Variants in TMEM178B observed in about 807,000 individuals in gnomAD.
TMEM178B encodes transmembrane protein 178B.
Under a neutral mutation model 31.0 loss-of-function variants are expected in TMEM178B, and 5 were observed. That is an observed-to-expected ratio of 0.16 (90% confidence interval 0.08 to 0.34). The LOEUF (loss-of-function observed/expected upper bound fraction) is 0.34, where lower values mean the gene tolerates loss of function less well. Among genes scored for constraint, TMEM178B ranks in the 10% least tolerant of loss-of-function variants. The probability of loss-of-function intolerance (pLI) is 1.00; values close to 1 mark genes in which losing one functional copy is unlikely to be tolerated. For missense variants in TMEM178B, 275 were observed against 400.3 expected (o/e 0.69, Z 2.67); for synonymous variants, 164 against 164.0 (o/e 1.00, Z 0.00).
rs1487166412 is a variant in TMEM178B at position 141,470,831 on chromosome 7, T to A, written c.*45T>A. 3.1e-6 allele frequency: 3 copies of A among 965,032 alleles called. No homozygotes were observed. Among genetic ancestry groups the A allele is most frequent in the Non-Finnish European group, 3.9e-6 (3 of 778,374 alleles). The allele number at this position is 965,032 out of a possible 1,614,324, so 59.8% of individuals were successfully genotyped here. ...ATATATATATATAAATATATATATA[T>A]AATATACATATATAAAACAAAACAA... On this transcript the variant is annotated 3_prime_UTR_variant, in exon 4 of 4. Coordinates refer to ENST00000565468, the MANE Select transcript of TMEM178B (RefSeq NM_001195278.2).
intron 2 of TMEM178B, among the ~76,000 whole-genome samples, chr7:141,256,828 G>A (rs4726436): frequency 0.43 from 65,952 of 151,958 alleles, 14,542 homozygotes; most frequent in East Asian, 0.67. Context: ...TGTTGCTGAC[G>A]TGATTGGATG....
chr7:141,398,361 T>C lies in TMEM178B; in HGVS notation c.497-39247T>C, dbSNP rs572392871. On this transcript the variant is annotated intron_variant, in intron 2 of 3. Transcript: ENST00000565468. The stretch of plus-strand genomic sequence containing the variant: ...ATTGAGGATGGAGGGATCCTCTGTT[T>C]TGCTGTGCTGCTTGGGTAGCAGCTG... Among the ~76,000 whole-genome samples, 11 of 152,258 alleles carry C rather than the reference T, an allele frequency of 7.2e-5. No homozygotes were observed. In the South Asian group the frequency reaches 8.3e-4, roughly 11 times the overall value.
At chr7:141,470,378 C>T (rs17162275) in intron 3 of TMEM178B, among the ~76,000 whole-genome samples, 158 bp from the exon 4 acceptor site, 3,018 of 152,262 alleles carry the variant, frequency 0.02, 107 homozygotes, top group African/African-American at 0.064. Flanking sequence ...TTTCCAGATA[C>T]TGACCTTGGT....
chr7:141,339,344 G>A (rs1744795854), intron 2 of TMEM178B, among the ~76,000 whole-genome samples: 1 of 152,212 alleles, frequency 6.6e-6, no homozygotes, highest in African/African-American at 2.4e-5. Flanking sequence ...AATGGGCAGT[G>A]TGCTGCAGCA....
intron 2 of TMEM178B, among the ~76,000 whole-genome samples, chr7:141,385,609 A>T (rs533256451): frequency 1.3e-5 from 2 of 152,272 alleles, no homozygotes; most frequent in South Asian, 4.2e-4. Context: ...GTTTCCCATC[A>T]TCCTTTTTGT....
At chr7:141,428,373 AAAAAAAAAAAAG>A (rs944038973) in intron 2 of TMEM178B, among the ~76,000 whole-genome samples, 3 of 140,916 alleles carry the variant, frequency 2.1e-5, no homozygotes, top group Non-Finnish European at 3.1e-5. Context: ...CACCTCAAAA[AAAAAAAAAAAAG>A]AAAAAAAGAA....
intron 1 of TMEM178B, among the ~76,000 whole-genome samples, chr7:141,109,488 C>T (rs1795200510): frequency 6.6e-6 from 1 of 152,094 alleles, no homozygotes; most frequent in African/African-American, 2.4e-5. Context: ...ATCTCCTGCT[C>T]TCACTTTTCA....
At chr7:141,083,952 A>G (rs1479324475) in intron 1 of TMEM178B, among the ~76,000 whole-genome samples, 1 of 151,724 alleles carries the variant, frequency 6.6e-6, no homozygotes, top group Admixed American at 6.6e-5. Context: ...TTACAGGCAC[A>G]TGCCGCCATG....
intron 2 of TMEM178B, among the ~76,000 whole-genome samples, chr7:141,423,023 G>A (rs1003931423): frequency 2.6e-5 from 4 of 152,062 alleles, no homozygotes; most frequent in African/African-American, 9.7e-5. Flanking sequence ...AAAGAAACAG[G>A]TAAAATTAAT....
chr7:141,390,207 C>A (rs1473660341), intron 2 of TMEM178B, among the ~76,000 whole-genome samples: 1 of 152,162 alleles, frequency 6.6e-6, no homozygotes, highest in Non-Finnish European at 1.5e-5. Flanking sequence ...GTAGATCATA[C>A]CTCTCTCTGC....
chr7:141,393,653 A>G (rs1438217347), intron 2 of TMEM178B, among the ~76,000 whole-genome samples: 2 of 152,258 alleles, frequency 1.3e-5, no homozygotes, highest in Non-Finnish European at 2.9e-5. Flanking sequence ...AAGAGAGACG[A>G]CATTGTTAGA....
intron 1 of TMEM178B, among the ~76,000 whole-genome samples, chr7:141,089,623 A>G (rs141101276): frequency 0.011 from 1,705 of 152,338 alleles, 45 homozygotes; most frequent in African/African-American, 0.039. Context: ...ATGTCCATCA[A>G]TGATAGACTG....
Position 141,274,278 on chromosome 7 carries a change from T to C in TMEM178B, c.496+61574T>C, listed in dbSNP as rs537265475. Among the ~76,000 whole-genome samples the C allele has an allele frequency of 4.0e-4, 61 of 152,356 alleles. 2 individuals carry two copies. The South Asian group carries it at 0.012, about 29-fold the overall frequency. ...AAAATCTTTGTTTTATTCAGTCTTA[T>C]GCCAGGCACATAAGTTGGTGCTCAA... On this transcript the variant is annotated intron_variant, in intron 2 of 3. Transcript: ENST00000565468.
intron 2 of TMEM178B, among the ~76,000 whole-genome samples, chr7:141,286,519 G>C (rs217011): frequency 2.6e-5 from 4 of 152,076 alleles, no homozygotes; most frequent in African/African-American, 7.3e-5. Context: ...GGTAGACATG[G>C]CCTGGCTATC....
chr7:141,122,414 T>A (rs1795424703), intron 1 of TMEM178B, among the ~76,000 whole-genome samples: 1 of 152,248 alleles, frequency 6.6e-6, no homozygotes, highest in Admixed American at 6.5e-5. Flanking sequence ...TTGTAGCATC[T>A]TTTTCAAGGG....
rs1023720093 is a variant in TMEM178B at position 141,478,684 on chromosome 7, C to G, written c.*7898C>G. ...AAAAATTACTGGGATATTTTACATT[C>G]TTTTTTCCAAATGAAGTCTTCAAAA... is the stretch of plus-strand genomic sequence containing the variant. On this transcript the variant is annotated 3_prime_UTR_variant, in exon 4 of 4. Transcript: ENST00000565468. 8 of 152,140 alleles carry G rather than the reference C, an allele frequency of 5.3e-5. No homozygotes were observed. The highest frequency in any genetic ancestry group is 1.7e-4 in the African/African-American group (7 of 41,416). The allele number at this position is 152,140 out of a possible 1,614,324, so 9.4% of individuals were successfully genotyped here.
chr7:141,264,705 C>G (rs1798066663), intron 2 of TMEM178B, among the ~76,000 whole-genome samples: 1 of 152,134 alleles, frequency 6.6e-6, no homozygotes. Flanking sequence ...ACCTTCAGGA[C>G]TGAGAGCTAG....
intron 2 of TMEM178B, among the ~76,000 whole-genome samples, chr7:141,314,578 C>T (rs1798970233): frequency 6.6e-6 from 1 of 152,172 alleles, no homozygotes. Flanking sequence ...CAAGATGACA[C>T]ACTTTGAGGA....
rs372891494 is a variant in TMEM178B, at chr7:141,147,273, G to C, written c.383-65318G>C. On this transcript the variant is annotated intron_variant, in intron 1 of 3. Transcript: ENST00000565468. ...CTTCCCTCCCTCCTGTGTTCTAATA[G>C]AGGAGTGCATTTGGGGTAGTGGAAG... Among the ~76,000 whole-genome samples the C allele has an allele frequency of 6.0e-4, 91 of 151,900 alleles. 4 individuals are homozygous for C. The highest frequency in any genetic ancestry group is 2.0e-3 in the African/African-American group (81 of 41,380).
Sources: allele counts gnomAD v4.1 joint callset (sites outside exome capture counted in the v4.1 genomes callset), GRCh38; gene constraint gnomAD v4.1.1; transcripts MANE v1.5; gene names NCBI Gene and HGNC (gene_info 2026-07-23, HGNC 2026-07-21).